Variants in ATP8B1 observed in about 807,000 individuals in gnomAD.
ATP8B1 encodes the protein phospholipid-transporting ATPase IC.
Under a neutral mutation model 149.9 loss-of-function variants are expected in ATP8B1, and 80 were observed. The observed-to-expected ratio is 0.53, with a 90% CI of 0.45 to 0.64. The LOEUF (loss-of-function observed/expected upper bound fraction) is 0.64, where lower values mean the gene tolerates loss of function less well. ATP8B1 is among the 30% of genes least tolerant of loss of function. The probability of loss-of-function intolerance (pLI) is 0.00; values close to 1 mark genes in which losing one functional copy is unlikely to be tolerated. For missense variants in ATP8B1, 1,247 were observed against 1,552.6 expected, an observed-to-expected ratio of 0.80 and a Z score of 3.31; for synonymous variants, 536 against 562.8, an observed-to-expected ratio of 0.95 and a Z score of 0.67.
rs780186596 is a variant in ATP8B1, at chr18:57,674,855, G to T, written c.1798C>A (p.Arg600=). ...VLAILDFNSD[R]KRMSIIVRTP... ...TTACCAATGATAGACATTCGCTTCCGGTCACTGTTGAAGTCCAAAATGGCA... is the reference window on the plus strand; with the variant it reads ...TTACCAATGATAGACATTCGCTTCCTGTCACTGTTGAAGTCCAAAATGGCA... The change falls in exon 16 of 28, where the codon CGG becomes AGG. Residue 600 remains arginine, a synonymous_variant. Transcript: ENST00000648908. The T allele has an allele frequency of 2.5e-6, 4 of 1,614,048 alleles. No individual in the cohort carries two copies. The highest frequency in any genetic ancestry group is 4.5e-5 in the East Asian group (2 of 44,878).
At chr18:57,704,939 C>T (rs1054958263) in intron 3 of ATP8B1, among the ~76,000 whole-genome samples, 14 of 152,098 alleles carry the variant, frequency 9.2e-5, no homozygotes, top group African/African-American at 3.4e-4. Context: ...CAAAAATTAG[C>T]CAGGCGTGGT....
At chr18:57,783,200 G>A (rs1181762433) in intron 1 of ATP8B1, among the ~76,000 whole-genome samples, 2 of 152,076 alleles carry the variant, frequency 1.3e-5, no homozygotes, top group Non-Finnish European at 2.9e-5. Context: ...ACACTATTCA[G>A]GTTAAGAATG....
chr18:57,758,065 G>C (rs1290683624), intron 1 of ATP8B1, among the ~76,000 whole-genome samples: 2 of 151,970 alleles, frequency 1.3e-5, no homozygotes, highest in African/African-American at 2.4e-5. Flanking sequence ...ACTGGTCTTA[G>C]GCGGGAGGAT....
intron 1 of ATP8B1, among the ~76,000 whole-genome samples, chr18:57,747,295 A>T (rs555372811): frequency 3.9e-5 from 6 of 152,234 alleles, no homozygotes; most frequent in Non-Finnish European, 7.4e-5. Flanking sequence ...TCTACTAAAA[A>T]TACAAAAATT....
intron 3 of ATP8B1, 40 bp from the exon 4 acceptor site, chr18:57,704,708 T>A: frequency 7.8e-7 from 1 of 1,282,306 alleles, no homozygotes; most frequent in South Asian, 1.2e-5. Context: ...TGATGCTGTA[T>A]TTATCACAAT....
intron 15 of ATP8B1, among the ~76,000 whole-genome samples, chr18:57,676,717 C>CAAAAAA (rs58101846): frequency 1.6e-4 from 15 of 92,156 alleles, no homozygotes; most frequent in South Asian, 3.9e-4. Flanking sequence ...GACTCCATTT[C>CAAAAAA]AAAAAAAAAA....
intron 4 of ATP8B1, among the ~76,000 whole-genome samples, chr18:57,704,066 A>G (rs1050179473): frequency 2.6e-5 from 4 of 152,118 alleles, no homozygotes; most frequent in African/African-American, 9.7e-5. Context: ...TCCTGGGTTC[A>G]AGCGATTCTC....
chr18:57,788,225 T>C (rs2080428465), intron 1 of ATP8B1, among the ~76,000 whole-genome samples: 1 of 152,102 alleles, frequency 6.6e-6, no homozygotes, highest in South Asian at 2.1e-4. Flanking sequence ...GAGGGTATCC[T>C]ATAAAACATC....
intron 1 of ATP8B1, among the ~76,000 whole-genome samples, chr18:57,799,519 G>GTA (rs778915417): frequency 1.3e-4 from 20 of 152,032 alleles, no homozygotes; most frequent in Admixed American, 7.9e-4. Context: ...AGACTAGCCT[G>GTA]GCCAACATGG....
At position 57,802,327 on chromosome 18, in the gene ATP8B1, G is replaced by T. The variant is rs888643755; in HGVS notation, c.-26+671C>A. Among the ~76,000 whole-genome samples, 1 of 152,164 alleles carries T rather than the reference G, an allele frequency of 6.6e-6. No homozygotes were observed. Among genetic ancestry groups the T allele is most frequent in the African/African-American group, 2.4e-5 (1 of 41,442 alleles). On this transcript the variant is annotated intron_variant, in intron 1 of 27. Transcript: ENST00000648908. This position sits in a 1 kb window ranked among gnomAD's most constrained non-coding sequence, Gnocchi z 4.9. The stretch of plus-strand genomic sequence containing the variant: ...AGGAGATGCCTGCAGCCATCTCAGC[G>T]GGGCTGGCGGACGCGACCCGACAGT...
At chr18:57,751,280 A>C (rs1175840893) in intron 1 of ATP8B1, among the ~76,000 whole-genome samples, 1 of 152,076 alleles carries the variant, frequency 6.6e-6, no homozygotes, top group Non-Finnish European at 1.5e-5. Flanking sequence ...ACATGAGCTC[A>C]GGAGACCAGG....
intron 1 of ATP8B1, among the ~76,000 whole-genome samples, chr18:57,799,317 G>A (rs927129047): frequency 6.6e-6 from 1 of 152,230 alleles, no homozygotes; most frequent in Non-Finnish European, 1.5e-5. Context: ...TTGTGGAAGG[G>A]TTGGGCAACA....
At chr18:57,678,283 A>C (rs1023468334) in intron 15 of ATP8B1, among the ~76,000 whole-genome samples, 15 of 152,230 alleles carry the variant, frequency 9.9e-5, no homozygotes, top group Non-Finnish European at 2.2e-4. Flanking sequence ...GAGGGCAACA[A>C]GTGTTGAAAA....
At chr18:57,774,371 G>A (rs192911298) in intron 1 of ATP8B1, among the ~76,000 whole-genome samples, 3 of 152,372 alleles carry the variant, frequency 2.0e-5, no homozygotes, top group South Asian at 4.1e-4. Flanking sequence ...GCCAAGGCAG[G>A]TGGAACACCT....
At chr18:57,792,310 T>A (rs1175146815) in intron 1 of ATP8B1, among the ~76,000 whole-genome samples, 2 of 152,156 alleles carry the variant, frequency 1.3e-5, no homozygotes, top group African/African-American at 4.8e-5. Context: ...TTAATTTTTT[T>A]TTTTTACAAT....
chr18:57,801,687 G>T (rs1375492950), intron 1 of ATP8B1, among the ~76,000 whole-genome samples: 1 of 152,068 alleles, frequency 6.6e-6, no homozygotes, highest in Non-Finnish European at 1.5e-5. Flanking sequence ...ATAACCTACC[G>T]TGTGCCGGGT....
chr18:57,704,990 A>T (rs1386798158), intron 3 of ATP8B1, among the ~76,000 whole-genome samples: 3 of 152,220 alleles, frequency 2.0e-5, no homozygotes, highest in Admixed American at 2.0e-4. Context: ...AGGCTGAGGC[A>T]GGAGAATCGC....
In ATP8B1 at chr18:57,802,940, C is replaced by T. The variant is rs886249307; in HGVS notation, c.-26+58G>A. 6.6e-6 allele frequency: 1 copy of T among 152,254 alleles called. No homozygotes were observed. The highest frequency in any genetic ancestry group is 2.4e-5 in the African/African-American group (1 of 41,462). The allele number at this position is 152,254 out of a possible 1,614,324, so 9.4% of individuals were successfully genotyped here. A position where few individuals can be genotyped will look rare whatever the true frequency, so the allele number is the denominator to read the frequency against. On this transcript the variant is annotated intron_variant, in intron 1 of 27. Transcript: ENST00000648908. The surrounding 1 kb of genome is among the most constrained non-coding windows in gnomAD (Gnocchi z 4.9). ...AGCGGCCAGGGAACCTGCAGGACAC[C>T]GCCGGGCCAAGGGGCTTGGGAAGGT...
At chr18:57,753,799 A>C (rs975319933) in intron 1 of ATP8B1, among the ~76,000 whole-genome samples, 12 of 151,932 alleles carry the variant, frequency 7.9e-5, no homozygotes, top group African/African-American at 2.9e-4. Flanking sequence ...TTGGTGGTGC[A>C]CTTCTGTAGT....
Sources: allele counts gnomAD v4.1 joint callset (sites outside exome capture counted in the v4.1 genomes callset), GRCh38; gene constraint gnomAD v4.1.1; non-coding constraint Gnocchi (gnomAD v3.1); transcripts MANE v1.5; gene names NCBI Gene and HGNC (gene_info 2026-07-23, HGNC 2026-07-21).